Variants in EBF1 observed in about 807,000 individuals in gnomAD.
The protein encoded by EBF1 is EBF transcription factor 1.
EBF1 carries 10 observed loss-of-function variants against 68.4 expected under a neutral mutation model. That is an observed-to-expected ratio of 0.15 (90% CI 0.09 to 0.25). The LOEUF (loss-of-function observed/expected upper bound fraction) is 0.25. Among genes scored for constraint, EBF1 ranks in the 10% least tolerant of loss-of-function variants. The pLI is 1.00. For synonymous variants in EBF1, 298 were observed against 299.8 expected (o/e 0.99, Z 0.06); for missense variants, 509 against 794.4 (o/e 0.64, Z 4.32).
At position 158,696,919 on chromosome 5, in the gene EBF1, CTTTTTCT is replaced by C. The variant is rs1755863278; in HGVS notation, c.*2185_*2191del. 1 of 157,846 alleles carries C rather than the reference CTTTTTCT, an allele frequency of 6.3e-6. No homozygotes were observed. The highest frequency in any genetic ancestry group is 1.3e-5 in the Non-Finnish European group (1 of 77,778). 9.8% of individuals were successfully genotyped at this position (157,846 alleles called of 1,614,324 possible). Reference sequence around the variant, plus strand: ...TTTGTTTTTTTTTTTTTCTTTTTTTCTTTTTCTTTTTTCTTAGAATGTTAGTGATGAC... The same window carrying C: ...TTTGTTTTTTTTTTTTTCTTTTTTTCTTTTTCTTAGAATGTTAGTGATGAC... On this transcript the variant is annotated 3_prime_UTR_variant, in exon 16 of 16. Coordinates refer to ENST00000313708, the MANE Select transcript of EBF1 (RefSeq NM_024007.5).
At chr5:158,847,473 G>A (rs1286941006) in intron 6 of EBF1, among the ~76,000 whole-genome samples, 5 of 152,218 alleles carry the variant, frequency 3.3e-5, no homozygotes, top group Admixed American at 2.0e-4. Flanking sequence ...CAAGGGGGCT[G>A]TAGCTTAACA....
intron 9 of EBF1, among the ~76,000 whole-genome samples, chr5:158,784,672 T>G (rs1777063679): frequency 6.6e-6 from 1 of 152,064 alleles, no homozygotes; most frequent in East Asian, 1.9e-4. Context: ...ATTTTAACCT[T>G]AATCACCTTC....
chr5:158,902,104 A>C (rs1803510727), intron 6 of EBF1, among the ~76,000 whole-genome samples: 1 of 152,182 alleles, frequency 6.6e-6, no homozygotes, highest in Non-Finnish European at 1.5e-5. Context: ...AAAAACAAAA[A>C]AACAAAACAG....
intron 6 of EBF1, among the ~76,000 whole-genome samples, chr5:158,875,400 G>A (rs1483867801): frequency 6.6e-6 from 1 of 152,158 alleles, no homozygotes; most frequent in Admixed American, 6.5e-5. Context: ...TGAAACCAGT[G>A]TCACTTCATG....
chr5:158,742,046 C>T (rs1481956499), intron 10 of EBF1, among the ~76,000 whole-genome samples: 3 of 152,178 alleles, frequency 2.0e-5, no homozygotes, highest in African/African-American at 7.2e-5. Flanking sequence ...GATTCAAACC[C>T]AGGCAGTCTG....
At chr5:159,010,786 C>T (rs979750973) in intron 6 of EBF1, among the ~76,000 whole-genome samples, 1 of 152,190 alleles carries the variant, frequency 6.6e-6, no homozygotes, top group African/African-American at 2.4e-5. Flanking sequence ...CAGCAAGAGC[C>T]TCCATGAGCC....
chr5:158,700,107 C>G (rs4704952), intron 15 of EBF1, among the ~76,000 whole-genome samples: 134,327 of 152,268 alleles, frequency 0.88, 59,552 homozygotes, highest in East Asian at 0.98. Context: ...ACCTGATAGA[C>G]GTTAGCTGCT....
chr5:158,977,789 C>T (rs1757079451), intron 6 of EBF1, among the ~76,000 whole-genome samples: 1 of 152,184 alleles, frequency 6.6e-6, no homozygotes, highest in Admixed American at 6.5e-5. Context: ...CCTGGGAATG[C>T]ATCCACTTTG....
chr5:159,078,648 C>T (rs547509407), intron 5 of EBF1, among the ~76,000 whole-genome samples: 1 of 152,262 alleles, frequency 6.6e-6, no homozygotes, highest in Non-Finnish European at 1.5e-5. Context: ...TAAAAGCAGG[C>T]CACTGTTTAC....
intron 10 of EBF1, among the ~76,000 whole-genome samples, chr5:158,749,897 G>C (rs567261235): frequency 1.3e-5 from 2 of 152,148 alleles, no homozygotes; most frequent in East Asian, 3.9e-4. Flanking sequence ...AGAGGTACAG[G>C]TCCCACTCTG....
intron 10 of EBF1, among the ~76,000 whole-genome samples, chr5:158,763,663 C>T (rs1239102349): frequency 5.9e-5 from 9 of 152,218 alleles, no homozygotes; most frequent in Non-Finnish European, 1.0e-4. Context: ...CTGAAAGATT[C>T]ATGAAATTAG....
At chr5:158,774,620 G>A (rs1055017946) in intron 10 of EBF1, among the ~76,000 whole-genome samples, 4 of 152,216 alleles carry the variant, frequency 2.6e-5, no homozygotes, top group East Asian at 1.9e-4. Flanking sequence ...GGACAAAGGA[G>A]GGGGCCGTAC....
At chr5:158,791,263 G>A (rs547802386) in intron 9 of EBF1, among the ~76,000 whole-genome samples, 93 of 151,018 alleles carry the variant, frequency 6.2e-4, no homozygotes, top group African/African-American at 2.1e-3. Flanking sequence ...AGGTTGCAGT[G>A]GGCTGAGACC....
intron 6 of EBF1, among the ~76,000 whole-genome samples, chr5:159,054,709 C>T (rs1043499148): frequency 6.6e-6 from 1 of 152,264 alleles, no homozygotes; most frequent in Middle Eastern, 3.4e-3. Flanking sequence ...ATTTAATGAG[C>T]ATGTACTATG....
At chr5:159,057,028 T>A (rs2127845607) in intron 6 of EBF1, among the ~76,000 whole-genome samples, 1 of 152,186 alleles carries the variant, frequency 6.6e-6, no homozygotes, top group East Asian at 1.9e-4. Flanking sequence ...AAAAATAAAG[T>A]AATATTTTAT....
intron 6 of EBF1, among the ~76,000 whole-genome samples, chr5:159,061,462 TAGAA>T (rs1407908841): frequency 6.7e-6 from 1 of 149,466 alleles, no homozygotes; most frequent in Admixed American, 6.7e-5. Flanking sequence ...AGAGGTGGGG[TAGAA>T]AGAAAGAATA....
At chr5:159,051,212 T>A (rs1773581591) in intron 6 of EBF1, among the ~76,000 whole-genome samples, 2 of 152,094 alleles carry the variant, frequency 1.3e-5, no homozygotes, top group African/African-American at 4.8e-5. Context: ...CCTTTTTTTT[T>A]TATTTTAATT....
intron 6 of EBF1, among the ~76,000 whole-genome samples, chr5:158,910,880 C>T (rs1445989663): frequency 1.3e-5 from 2 of 152,236 alleles, no homozygotes; most frequent in African/African-American, 4.8e-5. Flanking sequence ...CAAAGGGAAA[C>T]ACTGCTGTCC....
intron 6 of EBF1, among the ~76,000 whole-genome samples, chr5:159,058,735 A>G (rs1775239695): frequency 6.6e-6 from 1 of 152,238 alleles, no homozygotes; most frequent in South Asian, 2.1e-4. Flanking sequence ...CTAATTTCTT[A>G]GTAATATTCA....
Sources: allele counts gnomAD v4.1 joint callset (sites outside exome capture counted in the v4.1 genomes callset), GRCh38; gene constraint gnomAD v4.1.1; transcripts MANE v1.5; gene names NCBI Gene and HGNC (gene_info 2026-07-23, HGNC 2026-07-21).